The following WDR75 variants were observed in gnomAD, a reference collection of about 807,000 sequenced individuals.
WDR75 encodes the protein WD repeat-containing protein 75.
WDR75 carries 52 observed loss-of-function variants against 106.1 expected under a neutral mutation model. The ratio of observed to expected loss-of-function variants is 0.49; its 90% CI spans 0.39 to 0.62. The LOEUF (loss-of-function observed/expected upper bound fraction) is 0.62. Among genes scored for constraint, WDR75 ranks in the 20% least tolerant of loss-of-function variants. The pLI is 0.00. For synonymous variants in WDR75, 333 were observed against 335.5 expected, an observed-to-expected ratio of 0.99 and a Z score of 0.08; for missense variants, 905 against 970.3, an observed-to-expected ratio of 0.93 and a Z score of 0.89.
chr2:189,468,631 T>A, intron 15 of WDR75, 62 bp downstream of exon 15: 14 of 1,562,302 alleles, frequency 9.0e-6, no homozygotes, highest in Non-Finnish European at 1.2e-5. Context: ...CATTAAACTT[T>A]GGCATTTTAG....
At chr2:189,450,247 C>T (rs1686588112) in intron 2 of WDR75, 13 of 985,446 alleles carry the variant, frequency 1.3e-5, no homozygotes, top group Non-Finnish European at 1.6e-5. Context: ...TTGAGAAGCA[C>T]TCCCTTAATG....
chr2:189,441,519 G>T lies in WDR75; in HGVS notation c.27G>T (p.Val9=). 1 of 1,566,926 alleles carries T rather than the reference G, an allele frequency of 6.4e-7. No homozygotes were observed. Among genetic ancestry groups the T allele is most frequent in the Non-Finnish European group, 8.7e-7 (1 of 1,154,420 alleles). Residue 9 remains valine (V), a synonymous_variant, in exon 1 of 21, where the codon GTG becomes GTT. Transcript: ENST00000314761. MVEEENIR[V]VRCGGSELNF... Reference sequence around the variant, plus strand: ...TGGTGGAGGAGGAGAACATCCGCGTGGTTCGTTGTGGCGGCAGCGAGTTGA... The same window carrying T: ...TGGTGGAGGAGGAGAACATCCGCGTTGTTCGTTGTGGCGGCAGCGAGTTGA...
intron 4 of WDR75, among the ~76,000 whole-genome samples, chr2:189,452,635 G>C (rs1686651341): frequency 6.6e-6 from 1 of 151,970 alleles, no homozygotes. Flanking sequence ...ACTGTCTTTA[G>C]AACATTGGTC....
chr2:189,473,106 TACTCGGGGGCTGAGGCA>T (rs1395627905), intron 18 of WDR75, among the ~76,000 whole-genome samples: 6 of 152,090 alleles, frequency 3.9e-5, no homozygotes, highest in African/African-American at 1.4e-4. Context: ...TAATCCCACC[TACTCGGGGGCTGAGGCA>T]GGAGAATCAC....
chr2:189,445,111 G>A (rs562744741), intron 1 of WDR75, among the ~76,000 whole-genome samples: 1 of 152,126 alleles, frequency 6.6e-6, no homozygotes, highest in Non-Finnish European at 1.5e-5. Flanking sequence ...TGCTAAGCTT[G>A]TATTTGCATG....
intron 6 of WDR75, 132 bp downstream of exon 6, chr2:189,457,513 G>C: frequency 1.6e-6 from 1 of 617,426 alleles, no homozygotes; most frequent in Non-Finnish European, 2.8e-6. Flanking sequence ...TGTGAAGTAT[G>C]GAGGTACAGT....
At chr2:189,442,624 A>G (rs1686405555) in intron 1 of WDR75, among the ~76,000 whole-genome samples, 1 of 151,572 alleles carries the variant, frequency 6.6e-6, no homozygotes, top group Admixed American at 6.6e-5. Context: ...TAATTTTTGT[A>G]TTTTTAGTAG....
chr2:189,442,442 CTTTTTTT>C (rs1188214718), intron 1 of WDR75, among the ~76,000 whole-genome samples: 87 of 73,960 alleles, frequency 1.2e-3, no homozygotes, highest in Admixed American at 4.1e-3. Context: ...CCACAATATT[CTTTTTTT>C]TTTTTTTTTT....
chr2:189,456,119 A>G (rs1174927876), intron 5 of WDR75, among the ~76,000 whole-genome samples: 2 of 152,228 alleles, frequency 1.3e-5, no homozygotes, highest in Admixed American at 1.3e-4. Flanking sequence ...AAAAGAGTTA[A>G]TTTCTCAGAG....
intron 9 of WDR75, among the ~76,000 whole-genome samples, 157 bp downstream of exon 9, chr2:189,462,799 C>G (rs1443697673): frequency 6.6e-6 from 1 of 152,182 alleles, no homozygotes; most frequent in Non-Finnish European, 1.5e-5. Flanking sequence ...TTCCACCCCT[C>G]TCTACCCCTA....
Position 189,474,277 on chromosome 2 carries a change from TAGA to T in WDR75, c.2142_2144del (p.Glu715del). ...CAGGATGAAAAACTAAACGAAACTT[TAGA>T]GAATGAGCTGGTACAACTACCCTTA... On this transcript the variant is annotated inframe_deletion, in exon 19 of 21. Coordinates refer to ENST00000314761, the MANE Select transcript of WDR75 (RefSeq NM_032168.3). 6.2e-7 allele frequency: 1 copy of T among 1,613,810 alleles called. No individual in the cohort carries two copies. Among genetic ancestry groups the T allele is most frequent in the Non-Finnish European group, 8.5e-7 (1 of 1,179,822 alleles).
chr2:189,474,668 G>C, intron 19 of WDR75, 49 bp from the exon 20 acceptor site: 1 of 1,497,774 alleles, frequency 6.7e-7, no homozygotes, highest in Admixed American at 1.7e-5. Context: ...ACAGACTGCG[G>C]TGGAGGATAA....
Position 189,451,835 on chromosome 2 carries a change from C to G in WDR75, c.313C>G (p.Leu105Val). 3 of 1,613,794 alleles carry G rather than the reference C, an allele frequency of 1.9e-6. No individual in the cohort carries two copies. Among genetic ancestry groups the G allele is most frequent in the Non-Finnish European group, 2.5e-6 (3 of 1,179,906 alleles). ...CATAGTTGGATGTAAACTTCATGCC[C>G]TCTTTACTCTTGCCCAAGCTGAGGA... Reference protein sequence around the residue: ...TFIVGCKLHALFTLAQAEDSV... With the variant: ...TFIVGCKLHAVFTLAQAEDSV... The change falls in exon 4 of 21, where the codon CTC becomes GTC. Residue 105 changes from leucine (L) to valine (V), a missense_variant. Transcript: ENST00000314761.
rs891397091 is a variant in WDR75 at position 189,470,754 on chromosome 2, G to A, written c.1990-65G>A. The A allele has an allele frequency of 9.9e-6, 13 of 1,317,092 alleles. No homozygotes were observed. The African/African-American group carries it at 1.5e-4, about 15-fold the overall frequency. The allele number at this position is 1,317,092 out of a possible 1,614,324, so 81.6% of individuals were successfully genotyped here. ...TGACCTTCTCATTTTTTAACACCCT[G>A]TAACACCTTGTTTAGATTTGCACTC... On this transcript the variant is annotated intron_variant, in intron 17 of 20. Coordinates refer to ENST00000314761, the MANE Select transcript of WDR75 (RefSeq NM_032168.3).
chr2:189,463,820 C>T (rs1230008312), intron 10 of WDR75, 26 bp from the exon 11 acceptor site: 1 of 1,613,084 alleles, frequency 6.2e-7, no homozygotes, highest in Admixed American at 1.7e-5. Flanking sequence ...TCTTATTTCA[C>T]CTGTTATTTG....
At chr2:189,467,764 A>G in intron 14 of WDR75, 116 bp downstream of exon 14, 1 of 980,786 alleles carries the variant, frequency 1.0e-6, no homozygotes, top group Non-Finnish European at 1.4e-6. Context: ...CAGTGGGGCA[A>G]GCAGCTAATC....
At chr2:189,463,057 A>C (rs992524933) in intron 9 of WDR75, among the ~76,000 whole-genome samples, 1 of 152,188 alleles carries the variant, frequency 6.6e-6, no homozygotes, top group Non-Finnish European at 1.5e-5. Context: ...TTTGATAGAA[A>C]TAGAGGCAGT....
In WDR75 at chr2:189,466,511, C is replaced by T; in HGVS notation, c.1376C>T (p.Pro459Leu). The change falls in exon 13 of 21, where the codon CCC (proline) becomes CTC (leucine). Residue 459 changes from proline to leucine, a missense_variant. Coordinates refer to ENST00000314761, the MANE Select transcript of WDR75 (RefSeq NM_032168.3). ...TGTAATGCAGAAAAATCTGAACAGCCCACCTTGGTTACAGCTAGCAAAGAT... is the reference window on the plus strand; with the variant it reads ...TGTAATGCAGAAAAATCTGAACAGCTCACCTTGGTTACAGCTAGCAAAGAT... ...CFCNAEKSEQ[P>L]TLVTASKDGY... 6.2e-7 allele frequency: 1 copy of T among 1,613,240 alleles called. No individual in the cohort carries two copies. Among genetic ancestry groups the T allele is most frequent in the Non-Finnish European group, 8.5e-7 (1 of 1,179,430 alleles).
chr2:189,449,581 A>T lies in WDR75; in HGVS notation c.216+1073A>T, dbSNP rs1037184446. 3 of 1,042,110 alleles carry T rather than the reference A, an allele frequency of 2.9e-6. No homozygotes were observed. In the South Asian group the frequency reaches 9.9e-5, roughly 35 times the overall value. 64.6% of individuals were successfully genotyped at this position (1,042,110 alleles called of 1,614,324 possible). Reference sequence around the variant, plus strand: ...ATTCATAAAAGCTTTGTTTCGGATGACTGAAAGTGAGTAAAATTAGAGAAG... The same window carrying T: ...ATTCATAAAAGCTTTGTTTCGGATGTCTGAAAGTGAGTAAAATTAGAGAAG... On this transcript the variant is annotated intron_variant, in intron 2 of 20. Coordinates refer to ENST00000314761, the MANE Select transcript of WDR75 (RefSeq NM_032168.3).
Sources: allele counts gnomAD v4.1 joint callset (sites outside exome capture counted in the v4.1 genomes callset), GRCh38; gene constraint gnomAD v4.1.1; transcripts MANE v1.5; gene names NCBI Gene and HGNC (gene_info 2026-07-23, HGNC 2026-07-21).